The following ATP2C1 variants were observed in gnomAD, a reference collection of about 807,000 sequenced individuals.
ATP2C1 encodes ATPase secretory pathway Ca2+ transporting 1.
A neutral mutation model predicts 120.5 loss-of-function variants in ATP2C1; 31 were observed. The ratio of observed to expected loss-of-function variants is 0.26; its 90% CI spans 0.19 to 0.35. ATP2C1 has a LOEUF of 0.35. Ranked by LOEUF, ATP2C1 falls within the 10% of genes least tolerant of loss-of-function variation. The probability of loss-of-function intolerance (pLI) is 1.00; values close to 1 mark genes in which losing one functional copy is unlikely to be tolerated. For synonymous variants in ATP2C1, 351 were observed against 358.7 expected (o/e 0.98, Z 0.24); for missense variants, 731 against 1,107.5 (o/e 0.66, Z 4.83).
chr3:130,875,008 A>G (rs977142943), intron 1 of ATP2C1, among the ~76,000 whole-genome samples: 1 of 152,232 alleles, frequency 6.6e-6, no homozygotes, highest in African/African-American at 2.4e-5. Flanking sequence ...CACATGTAAT[A>G]GTTGTATTTA....
At position 130,903,356 on chromosome 3, in the gene ATP2C1, A is replaced by T. The variant is rs2057955273; in HGVS notation, c.6+8581A>T. On this transcript the variant is annotated intron_variant, in intron 2 of 27. Transcript: ENST00000510168. ...ATAGGATTCAAAGTTGGTAGCTTTA[A>T]ATGATATTAAATTGTATTTGACTGT... 2.0e-5 allele frequency among the ~76,000 whole-genome samples: 3 copies of T among 152,046 alleles called. No individual in the cohort carries two copies. In the South Asian group the frequency reaches 6.2e-4, roughly 32 times the overall value.
At chr3:130,927,203 T>A (rs570554174) in intron 2 of ATP2C1, among the ~76,000 whole-genome samples, 1 of 152,258 alleles carries the variant, frequency 6.6e-6, no homozygotes, top group East Asian at 1.9e-4. Context: ...GTAGTTAAAT[T>A]TATTTCACAA....
chr3:130,952,147 A>G (rs1337165588), intron 8 of ATP2C1, among the ~76,000 whole-genome samples: 5 of 152,128 alleles, frequency 3.3e-5, no homozygotes, highest in African/African-American at 4.8e-5. Flanking sequence ...ATGTGGCTCT[A>G]TCTTTATTAT....
At chr3:130,960,235 A>C (rs1199256208) in intron 12 of ATP2C1, among the ~76,000 whole-genome samples, 1 of 152,164 alleles carries the variant, frequency 6.6e-6, no homozygotes, top group African/African-American at 2.4e-5. Context: ...CAAGACTTTC[A>C]CAGACCACAT....
chr3:130,867,987 C>G (rs1390792363), intron 1 of ATP2C1: 1 of 184,832 alleles, frequency 5.4e-6, no homozygotes, highest in Non-Finnish European at 1.1e-5. Flanking sequence ...GCCGCTCCGT[C>G]TGAGAAGTGA....
chr3:130,870,187 T>C (rs2068386281), intron 1 of ATP2C1, among the ~76,000 whole-genome samples: 1 of 152,174 alleles, frequency 6.6e-6, no homozygotes, highest in Non-Finnish European at 1.5e-5. Flanking sequence ...AAAAATAGAT[T>C]CCTTTCAAAA....
At chr3:130,999,491 TA>T in intron 26 of ATP2C1, 26 bp from the exon 27 acceptor site, 1 of 1,612,726 alleles carries the variant, frequency 6.2e-7, no homozygotes. Flanking sequence ...CAAGGAGTAA[TA>T]AATGAACTCT....
intron 1 of ATP2C1, among the ~76,000 whole-genome samples, chr3:130,860,146 C>T (rs1203567514): frequency 6.6e-6 from 1 of 152,186 alleles, no homozygotes; most frequent in Admixed American, 6.5e-5. Flanking sequence ...GTGCAAAACC[C>T]TTTTCTGTGA....
chr3:130,937,309 C>T (rs1020378346), intron 5 of ATP2C1, 119 bp from the exon 6 acceptor site: 2 of 844,800 alleles, frequency 2.4e-6, no homozygotes, highest in Admixed American at 4.1e-5. Context: ...TCTTTTCCAG[C>T]TGATCTCAGT....
chr3:130,879,591 T>C (rs1405860035), intron 1 of ATP2C1, among the ~76,000 whole-genome samples: 1 of 152,254 alleles, frequency 6.6e-6, no homozygotes, highest in Non-Finnish European at 1.5e-5. Flanking sequence ...TTTGGTGCTG[T>C]TATATTTCCT....
intron 2 of ATP2C1, among the ~76,000 whole-genome samples, chr3:130,910,480 C>T (rs2058350855): frequency 6.9e-6 from 1 of 144,812 alleles, no homozygotes; most frequent in Non-Finnish European, 1.5e-5. Context: ...ACTTCCAACA[C>T]TTTGTTGAAT....
chr3:130,931,550 G>T (rs182251411), intron 3 of ATP2C1, among the ~76,000 whole-genome samples: 2 of 152,008 alleles, frequency 1.3e-5, no homozygotes, highest in Non-Finnish European at 1.5e-5. Context: ...AGAAAATGGC[G>T]AAACAACAAT....
chr3:130,991,910 AAG>A (rs1033819010), intron 20 of ATP2C1, among the ~76,000 whole-genome samples: 1 of 152,190 alleles, frequency 6.6e-6, no homozygotes, highest in African/African-American at 2.4e-5. Flanking sequence ...AGGCTAGAGA[AAG>A]GGGATAGATT....
chr3:131,016,133 A>G (rs1362127613), intron 26 of ATP2C1: 5 of 1,613,174 alleles, frequency 3.1e-6, no homozygotes, highest in African/African-American at 2.7e-5. Context: ...AAAGTTTCCC[A>G]TGGTGCTTAC....
intron 1 of ATP2C1, among the ~76,000 whole-genome samples, chr3:130,855,417 G>T: frequency 6.6e-6 from 1 of 152,176 alleles, no homozygotes; most frequent in East Asian, 1.9e-4. Flanking sequence ...GGGTTCACGG[G>T]GCTGAGGTGT....
At chr3:130,905,585 T>C (rs2108043089) in intron 2 of ATP2C1, among the ~76,000 whole-genome samples, 1 of 152,240 alleles carries the variant, frequency 6.6e-6, no homozygotes, top group Non-Finnish European at 1.5e-5. Context: ...TTTTCAGAAG[T>C]TACTTGGGTT....
rs527424907 is a variant in ATP2C1 at position 130,918,068 on chromosome 3, C to T, written c.7-12348C>T. On this transcript the variant is annotated intron_variant, in intron 2 of 27. Transcript: ENST00000510168. ...TAAAGCAAAAGGATAAGATATAGTG[C>T]TCCCTTCCTACGAGTTAGCCAGCCT... Among the ~76,000 whole-genome samples the T allele has an allele frequency of 4.6e-5, 7 of 152,154 alleles. No homozygotes were observed. In the East Asian group the frequency reaches 7.7e-4, roughly 17 times the overall value.
In ATP2C1 at chr3:130,996,740, C is replaced by G; in HGVS notation, c.2187C>G (p.Leu729=). The part of the protein sequence containing the change: ...LATLMNFPNP[L]NAMQILWINI... ...CATTAATGAACTTTCCTAATCCTCT[C>G]AATGCCATGCAGATTTTGTGGATCA... The change falls in exon 24 of 28, where the codon CTC becomes CTG. Residue 729 remains leucine (L), a synonymous_variant. Coordinates refer to ENST00000510168, the MANE Select transcript of ATP2C1 (RefSeq NM_001378687.1). 6.2e-7 allele frequency: 1 copy of G among 1,613,474 alleles called. No individual in the cohort carries two copies. The highest frequency in any genetic ancestry group is 8.5e-7 in the Non-Finnish European group (1 of 1,179,438).
At chr3:130,969,535 C>T (rs2061199719) in intron 17 of ATP2C1, 139 bp downstream of exon 17, 1 of 696,778 alleles carries the variant, frequency 1.4e-6, no homozygotes, top group Non-Finnish European at 2.6e-6. Flanking sequence ...ATAGTACACT[C>T]ATCTCTTAAT....
Sources: gnomAD v4.1 joint callset for allele counts (sites outside exome capture counted in the v4.1 genomes callset) on GRCh38, gnomAD v4.1.1 for gene constraint, MANE v1.5 for transcripts, NCBI Gene and HGNC (gene_info 2026-07-23, HGNC 2026-07-21) for gene names.